Variants in CNOT6L observed in about 807,000 individuals in gnomAD.
CNOT6L encodes CCR4-NOT transcription complex subunit 6 like, also known as CCR4-NOT transcription complex subunit 6-like.
Under a neutral mutation model 64.0 loss-of-function variants are expected in CNOT6L, and 7 were observed. The ratio of observed to expected loss-of-function variants is 0.11; its 90% CI spans 0.06 to 0.21. The LOEUF is 0.21. Ranked by LOEUF, CNOT6L falls within the 10% of genes least tolerant of loss-of-function variation. The pLI, the probability that CNOT6L is intolerant of heterozygous loss-of-function variation, is 1.00. For missense variants in CNOT6L, 245 were observed against 669.0 expected (o/e 0.37, Z 6.99); for synonymous variants, 193 against 243.4 (o/e 0.79, Z 1.93).
At chr4:77,741,556 G>T (rs919477649) in intron 8 of CNOT6L, among the ~76,000 whole-genome samples, 8 of 152,056 alleles carry the variant, frequency 5.3e-5, no homozygotes, top group Admixed American at 4.6e-4. Context: ...ATCTACCCAG[G>T]CAGACCTCTA....
chr4:77,810,733 A>T (rs1578011818), intron 1 of CNOT6L, among the ~76,000 whole-genome samples: 1 of 152,210 alleles, frequency 6.6e-6, no homozygotes, highest in East Asian at 1.9e-4. Flanking sequence ...AGAACACTAG[A>T]ACTTACTCCC....
chr4:77,812,924 T>G (rs1422187583), intron 1 of CNOT6L, among the ~76,000 whole-genome samples: 1 of 152,204 alleles, frequency 6.6e-6, no homozygotes, highest in South Asian at 2.1e-4. Flanking sequence ...GGAAAAACTT[T>G]GAGAGGTTTG....
chr4:77,793,468 A>C (rs951049692), intron 1 of CNOT6L, among the ~76,000 whole-genome samples: 5 of 152,192 alleles, frequency 3.3e-5, no homozygotes, highest in African/African-American at 1.2e-4. Flanking sequence ...GCGCATTCTG[A>C]AATTTGCCTC....
chr4:77,806,452 C>T (rs1416971560), intron 1 of CNOT6L, among the ~76,000 whole-genome samples: 1 of 151,938 alleles, frequency 6.6e-6, no homozygotes, highest in Admixed American at 6.6e-5. Flanking sequence ...TAATTTCAAA[C>T]TGCCACCAAC....
intron 8 of CNOT6L, among the ~76,000 whole-genome samples, chr4:77,740,548 C>G (rs374606054): frequency 6.6e-6 from 1 of 152,326 alleles, no homozygotes; most frequent in South Asian, 2.1e-4. Context: ...AGTTATTGAA[C>G]TTGTCTGTAC....
intron 1 of CNOT6L, among the ~76,000 whole-genome samples, chr4:77,814,870 C>A (rs939878819): frequency 7.9e-5 from 12 of 152,088 alleles, no homozygotes; most frequent in Non-Finnish European, 1.3e-4. Context: ...TGATAAAATA[C>A]CATTTACTGT....
At chr4:77,802,751 G>A (rs1246328797) in intron 1 of CNOT6L, among the ~76,000 whole-genome samples, 1 of 152,174 alleles carries the variant, frequency 6.6e-6, no homozygotes, top group Non-Finnish European at 1.5e-5. Flanking sequence ...TACAGATGAG[G>A]AAGGTGAGAT....
intron 1 of CNOT6L, among the ~76,000 whole-genome samples, chr4:77,797,126 A>C (rs867718241): frequency 5.3e-5 from 8 of 150,276 alleles, no homozygotes; most frequent in African/African-American, 1.7e-4. Context: ...AAAAAAAAAA[A>C]CTGCCAAGGA....
At chr4:77,755,893 C>CA (rs1725510415) in intron 5 of CNOT6L, among the ~76,000 whole-genome samples, 2 of 151,370 alleles carry the variant, frequency 1.3e-5, no homozygotes, top group African/African-American at 4.9e-5. Flanking sequence ...AGTAGTATCT[C>CA]CATACTTTTA....
intron 1 of CNOT6L, among the ~76,000 whole-genome samples, chr4:77,779,073 A>C (rs1054765080): frequency 7.0e-5 from 9 of 128,674 alleles, no homozygotes; most frequent in African/African-American, 2.5e-4. Flanking sequence ...CAAAAAAAAA[A>C]CACAAAAAAC....
intron 1 of CNOT6L, among the ~76,000 whole-genome samples, chr4:77,777,787 G>T (rs1024637359): frequency 6.6e-6 from 1 of 152,088 alleles, no homozygotes; most frequent in Non-Finnish European, 1.5e-5. Flanking sequence ...TCTGAAATTT[G>T]TAACATATAG....
At chr4:77,799,934 A>G (rs969010603) in intron 1 of CNOT6L, among the ~76,000 whole-genome samples, 1 of 152,160 alleles carries the variant, frequency 6.6e-6, no homozygotes, top group Non-Finnish European at 1.5e-5. Flanking sequence ...TCCTTTTCCT[A>G]CCTTCCAATT....
At chr4:77,749,826 G>C (rs1724653046) in intron 5 of CNOT6L, among the ~76,000 whole-genome samples, 1 of 152,166 alleles carries the variant, frequency 6.6e-6, no homozygotes, top group African/African-American at 2.4e-5. Context: ...GCTATCTTGA[G>C]AACAAACTGG....
intron 11 of CNOT6L, among the ~76,000 whole-genome samples, chr4:77,723,842 T>G (rs776507238): frequency 6.6e-6 from 1 of 152,236 alleles, no homozygotes; most frequent in Non-Finnish European, 1.5e-5. Flanking sequence ...CTAACACATG[T>G]AAGAGCTTTT....
intron 5 of CNOT6L, among the ~76,000 whole-genome samples, chr4:77,755,279 C>T (rs990751889): frequency 2.2e-4 from 27 of 125,298 alleles, no homozygotes; most frequent in Non-Finnish European, 3.1e-4. Flanking sequence ...CTCGCTCTGT[C>T]GCCCAGGCTG....
At chr4:77,773,627 T>C (rs1267784270) in intron 3 of CNOT6L, among the ~76,000 whole-genome samples, 1 of 152,004 alleles carries the variant, frequency 6.6e-6, no homozygotes, top group Non-Finnish European at 1.5e-5. Flanking sequence ...TTTAAGTAAC[T>C]GAATACTACT....
rs980308476 is a variant in CNOT6L at position 77,731,249 on chromosome 4, C to T, written c.1024+138G>A. On this transcript the variant is annotated intron_variant, in intron 9 of 11. Coordinates refer to ENST00000504123, the MANE Select transcript of CNOT6L (RefSeq NM_144571.3). Reference sequence around the variant, plus strand: ...ATGCTTTACACAATGGTGCTATTTTCCTGCCCATCTCCCTTAACTTTCCTC... The same window carrying T: ...ATGCTTTACACAATGGTGCTATTTTTCTGCCCATCTCCCTTAACTTTCCTC... 7.9e-5 allele frequency: 55 copies of T among 695,890 alleles called. No homozygotes were observed. In the African/African-American group the frequency reaches 8.3e-4, roughly 11 times the overall value. 43.1% of individuals were successfully genotyped at this position (695,890 alleles called of 1,614,324 possible).
At chr4:77,803,696 C>G (rs144870219) in intron 1 of CNOT6L, among the ~76,000 whole-genome samples, 1 of 152,028 alleles carries the variant, frequency 6.6e-6, no homozygotes, top group South Asian at 2.1e-4. Flanking sequence ...CTGAGAACGG[C>G]AGTTCAAGAC....
At chr4:77,818,396 A>ATTCC (rs939997810) in intron 1 of CNOT6L, among the ~76,000 whole-genome samples, 1 of 152,204 alleles carries the variant, frequency 6.6e-6, no homozygotes, top group African/African-American at 2.4e-5. Flanking sequence ...CAGGCCAGGA[A>ATTCC]AGCCAGTTTC....
Sources: gnomAD v4.1 joint callset for allele counts (sites outside exome capture counted in the v4.1 genomes callset) on GRCh38, gnomAD v4.1.1 for gene constraint, MANE v1.5 for transcripts, NCBI Gene and HGNC (gene_info 2026-07-23, HGNC 2026-07-21) for gene names.